PSMD5: variants seen among roughly 807,000 people sequenced by gnomAD.
The protein encoded by PSMD5 is 26S proteasome non-ATPase regulatory subunit 5.
A neutral mutation model predicts 52.1 loss-of-function variants in PSMD5; 40 were observed. The ratio of observed to expected loss-of-function variants is 0.77; its 90% CI spans 0.60 to 1.00. The LOEUF is 1.00. PSMD5 is among the 50% of genes least tolerant of loss of function. The pLI is 0.00. For synonymous variants in PSMD5, 211 were observed against 226.6 expected, an observed-to-expected ratio of 0.93 and a Z score of 0.62; for missense variants, 575 against 605.2, an observed-to-expected ratio of 0.95 and a Z score of 0.52.
chr9:120,837,223 C>T (rs956204806), intron 1 of PSMD5, among the ~76,000 whole-genome samples: 2 of 151,992 alleles, frequency 1.3e-5, no homozygotes, highest in Admixed American at 6.6e-5. Context: ...AGGGTTTCAC[C>T]ATGTTGGTCA....
At chr9:120,831,603 C>T in intron 3 of PSMD5, 144 bp from the exon 4 acceptor site, 1 of 1,158,888 alleles carries the variant, frequency 8.6e-7, no homozygotes, top group Non-Finnish European at 1.2e-6. Flanking sequence ...CAAGGTATCC[C>T]CCATAGAATT....
chr9:120,825,519 A>C (rs779322337), intron 6 of PSMD5, among the ~76,000 whole-genome samples: 7 of 152,194 alleles, frequency 4.6e-5, no homozygotes, highest in Non-Finnish European at 1.0e-4. Context: ...GGCAGCATGA[A>C]CATTTTAATA....
intron 1 of PSMD5, among the ~76,000 whole-genome samples, chr9:120,835,121 C>T (rs2045189352): frequency 6.6e-6 from 1 of 152,068 alleles, no homozygotes; most frequent in Non-Finnish European, 1.5e-5. Context: ...ATAATTGAAC[C>T]TAAGGTAGTA....
intron 1 of PSMD5, among the ~76,000 whole-genome samples, chr9:120,838,124 G>C: frequency 6.6e-6 from 1 of 152,208 alleles, no homozygotes; most frequent in Non-Finnish European, 1.5e-5. Flanking sequence ...GTTGAAACAG[G>C]GAGAGATTAG....
intron 1 of PSMD5, 114 bp downstream of exon 1, chr9:120,842,623 C>T: frequency 5.3e-6 from 7 of 1,331,292 alleles, no homozygotes; most frequent in Non-Finnish European, 7.2e-6. Context: ...CAAATTTCGG[C>T]TACTTTCCAC....
At chr9:120,842,694 G>A in intron 1 of PSMD5, 43 bp downstream of exon 1, 1 of 1,607,506 alleles carries the variant, frequency 6.2e-7, no homozygotes, top group South Asian at 1.1e-5. Flanking sequence ...TCCATATTTA[G>A]GGGTGCCCCT....
intron 6 of PSMD5, among the ~76,000 whole-genome samples, chr9:120,825,838 A>C (rs992664078): frequency 6.6e-6 from 1 of 152,036 alleles, no homozygotes; most frequent in African/African-American, 2.4e-5. Context: ...TCTATATATT[A>C]ATAAAACATT....
chr9:120,842,566 C>T, intron 1 of PSMD5, 171 bp downstream of exon 1: 9 of 807,990 alleles, frequency 1.1e-5, no homozygotes, highest in South Asian at 3.6e-5. Flanking sequence ...AGAGGCTGAA[C>T]CTGAACCCCA....
chr9:120,832,279 A>G (rs1175362019), intron 2 of PSMD5, among the ~76,000 whole-genome samples: 1 of 152,228 alleles, frequency 6.6e-6, no homozygotes, highest in Non-Finnish European at 1.5e-5. Flanking sequence ...CACAATATTT[A>G]ATTCCAGGAT....
At chr9:120,831,740 A>C in intron 3 of PSMD5, 92 bp downstream of exon 3, 1 of 1,510,040 alleles carries the variant, frequency 6.6e-7, no homozygotes, top group Non-Finnish European at 8.8e-7. Context: ...CATCCATTCT[A>C]AACCTTCACC....
At chr9:120,839,518 A>T (rs953395017) in intron 1 of PSMD5, among the ~76,000 whole-genome samples, 3 of 152,226 alleles carry the variant, frequency 2.0e-5, no homozygotes, top group Non-Finnish European at 4.4e-5. Context: ...GAGACATTTC[A>T]TAGGCAGACC....
chr9:120,839,739 GT>G (rs929172017), intron 1 of PSMD5, among the ~76,000 whole-genome samples: 17 of 142,790 alleles, frequency 1.2e-4, no homozygotes, highest in African/African-American at 2.6e-4. Flanking sequence ...ATACAAAGTG[GT>G]TTTTTTTTCC....
At chr9:120,824,715 T>C (rs1366347057) in intron 6 of PSMD5, 30 bp from the exon 7 acceptor site, 8 of 1,549,260 alleles carry the variant, frequency 5.2e-6, no homozygotes, top group East Asian at 2.2e-5. Flanking sequence ...TATATTTTAA[T>C]AGGGGAACAA....
intron 1 of PSMD5, among the ~76,000 whole-genome samples, chr9:120,837,199 T>C (rs1370186114): frequency 2.0e-5 from 3 of 152,198 alleles, no homozygotes; most frequent in Admixed American, 6.5e-5. Flanking sequence ...AATTTTTGTA[T>C]TTTTAGTAGA....
intron 1 of PSMD5, among the ~76,000 whole-genome samples, chr9:120,839,713 A>G (rs1359785437): frequency 6.6e-6 from 1 of 152,094 alleles, no homozygotes; most frequent in African/African-American, 2.4e-5. Context: ...ACTCTTTTAA[A>G]TGATCAAATT....
intron 7 of PSMD5, 157 bp downstream of exon 7, chr9:120,824,337 T>A: frequency 1.4e-6 from 1 of 725,114 alleles, no homozygotes; most frequent in Non-Finnish European, 2.4e-6. Context: ...CCGTAATAAT[T>A]ATTAGATTTT....
At chr9:120,819,492 A>C (rs905491679) in intron 9 of PSMD5, among the ~76,000 whole-genome samples, 2 of 152,238 alleles carry the variant, frequency 1.3e-5, no homozygotes, top group Non-Finnish European at 2.9e-5. Flanking sequence ...GCAGGATCCA[A>C]AATGGCCATC....
chr9:120,837,799 A>G (rs1275732394), intron 1 of PSMD5, among the ~76,000 whole-genome samples: 1 of 152,264 alleles, frequency 6.6e-6, no homozygotes, highest in East Asian at 1.9e-4. Flanking sequence ...AGACTTGTAC[A>G]TGAATGCTCA....
chr9:120,825,524 TTAA>T (rs2045116118), intron 6 of PSMD5, among the ~76,000 whole-genome samples: 1 of 152,180 alleles, frequency 6.6e-6, no homozygotes, highest in African/African-American at 2.4e-5. Context: ...CATGAACATT[TTAA>T]TAATATTAAT....
Sources: gnomAD v4.1 joint callset for allele counts (sites outside exome capture counted in the v4.1 genomes callset) on GRCh38, gnomAD v4.1.1 for gene constraint, MANE v1.5 for transcripts, NCBI Gene and HGNC (gene_info 2026-07-23, HGNC 2026-07-21) for gene names.